The following ZC3H11A variants were observed in gnomAD, a reference collection of about 807,000 sequenced individuals.
ZC3H11A encodes the protein zinc finger CCCH-type containing 11A, also known as zinc finger CCCH domain-containing protein 11A.
A neutral mutation model predicts 90.8 loss-of-function variants in ZC3H11A; 22 were observed. The ratio of observed to expected loss-of-function variants is 0.24; its 90% CI spans 0.17 to 0.35. The LOEUF (loss-of-function observed/expected upper bound fraction) is 0.35, where lower values mean the gene tolerates loss of function less well. ZC3H11A is among the 10% of genes least tolerant of loss of function. ZC3H11A has a pLI of 1.00. For missense variants in ZC3H11A, 701 were observed against 964.9 expected (o/e 0.73, Z 3.62); for synonymous variants, 294 against 339.8 (o/e 0.87, Z 1.48).
At chr1:203,846,644 C>G (rs1277500412) in intron 12 of ZC3H11A, among the ~76,000 whole-genome samples, 3 of 152,156 alleles carry the variant, frequency 2.0e-5, no homozygotes, top group Admixed American at 2.0e-4. Context: ...GCCCAGTGTT[C>G]ATTACATGTT....
chr1:203,819,529 A>ATTTTTTTTTTTTTTTTTTTTTTTT (rs755259647), intron 4 of ZC3H11A, among the ~76,000 whole-genome samples: 2 of 72,878 alleles, frequency 2.7e-5, no homozygotes, highest in East Asian at 7.2e-4. Flanking sequence ...GCTGACTCCA[A>ATTTTTTTTTTTTTTTTTTTTTTTT]TTTTTTTTTT....
chr1:203,838,406 G>A (rs1334488911), intron 11 of ZC3H11A, among the ~76,000 whole-genome samples: 2 of 152,234 alleles, frequency 1.3e-5, no homozygotes, highest in Non-Finnish European at 2.9e-5. Context: ...GTTCACAGAA[G>A]AAGTTATGTT....
At position 203,828,436 on chromosome 1, in the gene ZC3H11A, T is replaced by C. The variant is rs1344287628; in HGVS notation, c.298+14T>C. 1 of 1,597,372 alleles carries C rather than the reference T, an allele frequency of 6.3e-7. No homozygotes were observed. Reference sequence around the variant, plus strand: ...CTCCGAGCAAAAGTGAGATCAGTTTTTAATTTTAAAAGAATATCAAATGAA... The same window carrying C: ...CTCCGAGCAAAAGTGAGATCAGTTTCTAATTTTAAAAGAATATCAAATGAA... On this transcript the variant is annotated intron_variant, in intron 5 of 17. Transcript: ENST00000367210.
At chr1:203,818,711 T>C (rs770954812) in intron 4 of ZC3H11A, 22 bp downstream of exon 4, 7 of 1,613,820 alleles carry the variant, frequency 4.3e-6, no homozygotes, top group Non-Finnish European at 5.9e-6. Context: ...ATTTCCGTTA[T>C]CATAATAAGT....
At chr1:203,830,925 A>ATTTTTTTTTTTTTTTTTTTTTTTTT (rs774771270) in intron 8 of ZC3H11A, among the ~76,000 whole-genome samples, 1 of 51,352 alleles carries the variant, frequency 1.9e-5, no homozygotes, top group African/African-American at 7.1e-5. Context: ...CCAACCCCCA[A>ATTTTTTTTTTTTTTTTTTTTTTTTT]TTTTTTTTTT....
chr1:203,817,024 A>C lies in ZC3H11A; in HGVS notation c.-47A>C, dbSNP rs3753589. On this transcript the variant is annotated 5_prime_UTR_variant, in exon 3 of 18. Coordinates refer to ENST00000367210, the MANE Select transcript of ZC3H11A (RefSeq NM_001376342.1). ...AGCCTGGTCCTTGCTTTGAGGAAGC[A>C]GTGGCTTGTTTCAAGAAGCCACTTC... 234,582 of 1,445,592 alleles carry C rather than the reference A, an allele frequency of 0.16. 21,743 individuals are homozygous for C. The highest frequency in any genetic ancestry group is 0.41 in the East Asian group (17,304 of 42,274). 89.5% of individuals were successfully genotyped at this position (1,445,592 alleles called of 1,614,324 possible). A position where few individuals can be genotyped will look rare whatever the true frequency, so the allele number is the denominator to read the frequency against.
intron 9 of ZC3H11A, among the ~76,000 whole-genome samples, chr1:203,832,896 G>A (rs556439386): frequency 6.6e-6 from 1 of 152,228 alleles, no homozygotes; most frequent in East Asian, 1.9e-4. Flanking sequence ...TAACCAATTG[G>A]TTAAGAATAC....
rs537235433 is a variant in ZC3H11A at position 203,835,023 on chromosome 1, A to G, written c.874+1170A>G. ...TTAAATGTCCTAAAAAGGAAACCTTATCTATCTCTATTTTGTGTTGTCTTT... is the reference window on the plus strand; with the variant it reads ...TTAAATGTCCTAAAAAGGAAACCTTGTCTATCTCTATTTTGTGTTGTCTTT... On this transcript the variant is annotated intron_variant, in intron 10 of 17. Coordinates refer to ENST00000367210, the MANE Select transcript of ZC3H11A (RefSeq NM_001376342.1). Among the ~76,000 whole-genome samples, 4 of 152,344 alleles carry G rather than the reference A, an allele frequency of 2.6e-5. No homozygotes were observed. In the East Asian group the frequency reaches 5.8e-4, roughly 22 times the overall value.
Position 203,852,222 on chromosome 1 carries a change from G to A in ZC3H11A, c.2256G>A (p.Met752Ile), listed in dbSNP as rs1689486029. Residue 752 changes from methionine to isoleucine, a missense_variant, in exon 18 of 18, where the codon ATG becomes ATA. Met to Ile is a conservative substitution (Grantham distance 10). This residue lies in a region of ZC3H11A where 91 missense variants were observed against 86.8 expected (regional missense o/e 1.05). Coordinates refer to ENST00000367210, the MANE Select transcript of ZC3H11A (RefSeq NM_001376342.1). ...GCCCTTCCTCATCCCAAATGAGCAT[G>A]AAAACTCGCCGACTCAGCTCTGCCT... is the stretch of plus-strand genomic sequence containing the variant. ...VSGPSSSQMS[M>I]KTRRLSSAST... is the part of the protein sequence containing the mutation. 6.2e-7 allele frequency: 1 copy of A among 1,613,334 alleles called. No homozygotes were observed. Among genetic ancestry groups the A allele is most frequent in the African/African-American group, 1.3e-5 (1 of 74,744 alleles).
At position 203,853,061 on chromosome 1, in the gene ZC3H11A, T is replaced by G. The variant is rs2103490154; in HGVS notation, c.*662T>G. 1 of 152,270 alleles carries G rather than the reference T, an allele frequency of 6.6e-6. No homozygotes were observed. Among genetic ancestry groups the G allele is most frequent in the Admixed American group, 6.6e-5 (1 of 15,262 alleles). 9.4% of individuals were successfully genotyped at this position (152,270 alleles called of 1,614,324 possible). ...TATTACTGTAATTTTTTAAAAGGCTTTAAAGTGCCTCAGGGGTCCCCTGAA... is the reference window on the plus strand; with the variant it reads ...TATTACTGTAATTTTTTAAAAGGCTGTAAAGTGCCTCAGGGGTCCCCTGAA... On this transcript the variant is annotated 3_prime_UTR_variant, in exon 18 of 18. Coordinates refer to ENST00000367210, the MANE Select transcript of ZC3H11A (RefSeq NM_001376342.1).
chr1:203,799,196 T>C, intron 1 of ZC3H11A: 2 of 1,154,086 alleles, frequency 1.7e-6, no homozygotes, highest in Non-Finnish European at 2.5e-6. Context: ...TCCTTATCCC[T>C]AGCTTCATTG....
intron 1 of ZC3H11A, chr1:203,800,475 C>A: frequency 6.8e-7 from 1 of 1,466,028 alleles, no homozygotes; most frequent in Admixed American, 2.6e-5. Context: ...TCTTTTTCTC[C>A]ATTTAAAATG....
chr1:203,806,403 G>A (rs1222505264), intron 2 of ZC3H11A: 1 of 182,702 alleles, frequency 5.5e-6, no homozygotes, highest in Non-Finnish European at 1.1e-5. Context: ...CCGGGTTCAA[G>A]CGATTCTCCT....
intron 3 of ZC3H11A, among the ~76,000 whole-genome samples, chr1:203,818,050 T>C (rs574995839): frequency 2.6e-4 from 39 of 152,192 alleles, no homozygotes; most frequent in African/African-American, 8.4e-4. Flanking sequence ...CCCGGTGATA[T>C]TATGTTTTAA....
At chr1:203,818,108 A>C (rs974855283) in intron 3 of ZC3H11A, among the ~76,000 whole-genome samples, 8 of 152,238 alleles carry the variant, frequency 5.3e-5, no homozygotes, top group Admixed American at 3.9e-4. Flanking sequence ...TACCTATAGC[A>C]GTTTGCACAA....
At chr1:203,831,299 T>C (rs949762158) in intron 8 of ZC3H11A, among the ~76,000 whole-genome samples, 3 of 152,146 alleles carry the variant, frequency 2.0e-5, no homozygotes, top group African/African-American at 7.2e-5. Context: ...CTTGGAGTTG[T>C]GTTTTCAGAT....
intron 4 of ZC3H11A, among the ~76,000 whole-genome samples, chr1:203,822,399 C>A (rs1009701677): frequency 6.6e-6 from 1 of 151,858 alleles, no homozygotes; most frequent in African/African-American, 2.4e-5. Flanking sequence ...TCTTTCTCAC[C>A]CTGCTTGGAC....
In ZC3H11A at chr1:203,847,505, A is replaced by G. The variant is rs1370346237; in HGVS notation, c.1364A>G (p.Gln455Arg). 6.2e-7 allele frequency: 1 copy of G among 1,613,978 alleles called. No individual in the cohort carries two copies. The highest frequency in any genetic ancestry group is 2.2e-5 in the East Asian group (1 of 44,882). ...CCACCCATTGTTGCCAGCAGAGGAC[A>G]ATCAGAGGAGCCTGCAGGTAAAACA... ...VLPPIVASRG[Q>R]SEEPAGKTKS... is the part of the protein sequence containing the mutation. The change falls in exon 13 of 18, where the codon CAA (glutamine) becomes CGA (arginine). Residue 455 changes from glutamine to arginine, a missense_variant. Gln to Arg is a conservative substitution (Grantham distance 43, BLOSUM62 1). Transcript: ENST00000367210.
intron 2 of ZC3H11A, among the ~76,000 whole-genome samples, chr1:203,806,691 G>A (rs944190538): frequency 2.0e-5 from 3 of 152,004 alleles, no homozygotes; most frequent in Non-Finnish European, 2.9e-5. Flanking sequence ...TCCTTTTTTC[G>A]CTTATCTTGA....
Sources: gnomAD v4.1 joint callset for allele counts (sites outside exome capture counted in the v4.1 genomes callset) on GRCh38, gnomAD v4.1.1 for gene constraint, gnomAD v4.1.1 regional missense constraint, MANE v1.5 for transcripts, NCBI Gene and HGNC (gene_info 2026-07-23, HGNC 2026-07-21) for gene names.